Variants in SH3GL3 observed in about 807,000 individuals in gnomAD.
The protein encoded by SH3GL3 is SH3 domain containing GRB2 like 3, endophilin A3.
A neutral mutation model predicts 47.7 loss-of-function variants in SH3GL3; 33 were observed. That is an observed-to-expected ratio of 0.69 (90% CI 0.52 to 0.92). SH3GL3 has a LOEUF of 0.92. SH3GL3 is among the 40% of genes least tolerant of loss of function. The pLI is 0.00. For missense variants in SH3GL3, 363 were observed against 417.8 expected (o/e 0.87, Z 1.14); for synonymous variants, 155 against 148.8 (o/e 1.04, Z -0.30).
chr15:83,484,871 A>G (rs2041524450), intron 1 of SH3GL3, among the ~76,000 whole-genome samples: 1 of 152,216 alleles, frequency 6.6e-6, no homozygotes, highest in Non-Finnish European at 1.5e-5. Context: ...GCATATTTAA[A>G]ACATTTTTTT....
rs1387979019 is a variant in SH3GL3, at chr15:83,565,172, T to A, written c.153T>A (p.Leu51=). 1 of 1,584,724 alleles carries A rather than the reference T, an allele frequency of 6.3e-7. No individual in the cohort carries two copies. The highest frequency in any genetic ancestry group is 2.2e-5 in the East Asian group (1 of 44,526). ...DVTNKVVAEI[L]SKTTEYLQPN... ...CCAATAAAGTTGTTGCAGAAATTCT[T>A]TCAAAAACCACTGAATATCTTCAGC... Residue 51 remains leucine (L), a synonymous_variant, in exon 3 of 9, where the codon CTT becomes CTA. Coordinates refer to ENST00000427482, the MANE Select transcript of SH3GL3 (RefSeq NM_003027.5).
At chr15:83,513,571 T>C (rs915156092) in intron 1 of SH3GL3, among the ~76,000 whole-genome samples, 1 of 152,198 alleles carries the variant, frequency 6.6e-6, no homozygotes, top group African/African-American at 2.4e-5. Context: ...CCTGCCCTCC[T>C]TCCTTTAGAA....
chr15:83,501,804 T>C (rs1346258477), intron 1 of SH3GL3, among the ~76,000 whole-genome samples: 4 of 152,046 alleles, frequency 2.6e-5, no homozygotes, highest in Non-Finnish European at 5.9e-5. Context: ...GGCAGGAGAA[T>C]TGCTTGAACC....
chr15:83,502,189 A>G (rs1009640693), intron 1 of SH3GL3, among the ~76,000 whole-genome samples: 1 of 152,254 alleles, frequency 6.6e-6, no homozygotes, highest in African/African-American at 2.4e-5. Flanking sequence ...TTTAGGAATG[A>G]CCTTCACCTG....
intron 1 of SH3GL3, among the ~76,000 whole-genome samples, chr15:83,510,543 A>G (rs2042703569): frequency 6.6e-6 from 1 of 152,218 alleles, no homozygotes; most frequent in African/African-American, 2.4e-5. Context: ...TATAGTCCTA[A>G]TTTTAAAAAG....
intron 8 of SH3GL3, among the ~76,000 whole-genome samples, chr15:83,607,913 A>C (rs1362202127): frequency 1.3e-5 from 2 of 151,430 alleles, no homozygotes; most frequent in East Asian, 3.9e-4. Context: ...CAACCCACAC[A>C]CATTGGACCT....
At chr15:83,539,479 A>G (rs954798461) in intron 1 of SH3GL3, among the ~76,000 whole-genome samples, 4 of 152,210 alleles carry the variant, frequency 2.6e-5, no homozygotes, top group African/African-American at 9.6e-5. Flanking sequence ...TTAGAATTTC[A>G]ATTTATGAAT....
At chr15:83,607,895 A>T (rs2060568290) in intron 8 of SH3GL3, among the ~76,000 whole-genome samples, 1 of 148,154 alleles carries the variant, frequency 6.7e-6, no homozygotes, top group African/African-American at 2.6e-5. Flanking sequence ...CAACAACAAC[A>T]AAAAAAACAA....
intron 8 of SH3GL3, among the ~76,000 whole-genome samples, chr15:83,594,498 A>G (rs534871192): frequency 6.6e-6 from 1 of 152,312 alleles, no homozygotes; most frequent in South Asian, 2.1e-4. Context: ...TATATTAGCT[A>G]AAGTCCACAC....
At chr15:83,590,547 G>A (rs2060067135) in intron 8 of SH3GL3, among the ~76,000 whole-genome samples, 1 of 152,120 alleles carries the variant, frequency 6.6e-6, no homozygotes. Flanking sequence ...CAATATATTA[G>A]TGATCTAGTT....
At chr15:83,516,677 A>G (rs1450253546) in intron 1 of SH3GL3, among the ~76,000 whole-genome samples, 1 of 152,052 alleles carries the variant, frequency 6.6e-6, no homozygotes, top group African/African-American at 2.4e-5. Flanking sequence ...ACTCACTATG[A>G]CCAAGACAGC....
chr15:83,540,025 T>C (rs1162188664), intron 1 of SH3GL3, among the ~76,000 whole-genome samples: 2 of 152,312 alleles, frequency 1.3e-5, no homozygotes, highest in Admixed American at 1.3e-4. Flanking sequence ...AGGTTATATC[T>C]ATATATTTGC....
intron 1 of SH3GL3, among the ~76,000 whole-genome samples, chr15:83,496,272 T>C (rs2042073333): frequency 6.6e-6 from 1 of 151,262 alleles, no homozygotes. Context: ...GGTGGGAGAA[T>C]TGCTTGAACC....
chr15:83,543,535 CCCT>C (rs2044264308), intron 1 of SH3GL3, among the ~76,000 whole-genome samples: 2 of 151,916 alleles, frequency 1.3e-5, no homozygotes, highest in South Asian at 4.1e-4. Flanking sequence ...TGGAAGTCTT[CCCT>C]CCTCCTCTAT....
intron 1 of SH3GL3, among the ~76,000 whole-genome samples, chr15:83,477,233 A>G (rs1240109429): frequency 6.6e-6 from 1 of 152,072 alleles, no homozygotes; most frequent in South Asian, 2.1e-4. Context: ...TTTCATTGTA[A>G]TTTCTCACCA....
At chr15:83,523,577 A>G (rs2043294184) in intron 1 of SH3GL3, among the ~76,000 whole-genome samples, 1 of 152,218 alleles carries the variant, frequency 6.6e-6, no homozygotes, top group Non-Finnish European at 1.5e-5. Flanking sequence ...ATTAGTTCAC[A>G]TTAGCAGTTT....
At chr15:83,546,239 A>C (rs1459434793) in intron 1 of SH3GL3, among the ~76,000 whole-genome samples, 2 of 151,446 alleles carry the variant, frequency 1.3e-5, no homozygotes, top group African/African-American at 4.9e-5. Flanking sequence ...CCGCTACCCA[A>C]GTTGCAAGAC....
At chr15:83,575,269 G>A (rs2059645034) in intron 5 of SH3GL3, among the ~76,000 whole-genome samples, 3 of 152,160 alleles carry the variant, frequency 2.0e-5, no homozygotes, top group Non-Finnish European at 2.9e-5. Flanking sequence ...TGTCATCATG[G>A]AGGAAGGTCA....
chr15:83,592,986 C>T (rs920958144), intron 8 of SH3GL3, among the ~76,000 whole-genome samples: 29 of 151,992 alleles, frequency 1.9e-4, no homozygotes, highest in Admixed American at 9.8e-4. Flanking sequence ...ATTTTTACAT[C>T]GCCTAACACT....
Sources: gnomAD v4.1 joint callset for allele counts (sites outside exome capture counted in the v4.1 genomes callset) on GRCh38, gnomAD v4.1.1 for gene constraint, MANE v1.5 for transcripts, NCBI Gene and HGNC (gene_info 2026-07-23, HGNC 2026-07-21) for gene names.